The following LDLRAP1 variants were observed in gnomAD, a reference collection of about 807,000 sequenced individuals.
LDLRAP1 encodes the protein low density lipoprotein receptor adapter protein 1.
LDLRAP1 carries 30 observed loss-of-function variants against 37.8 expected under a neutral mutation model. The ratio of observed to expected loss-of-function variants is 0.79; its 90% CI spans 0.59 to 1.08. The LOEUF (loss-of-function observed/expected upper bound fraction) is 1.08. Ranked by LOEUF, LDLRAP1 falls within the 50% of genes least tolerant of loss-of-function variation. LDLRAP1 has a pLI of 0.00. For missense variants in LDLRAP1, 375 were observed against 401.6 expected (o/e 0.93, Z 0.57); for synonymous variants, 156 against 169.8 (o/e 0.92, Z 0.63).
chr1:25,547,111 A>G (rs1431029289), intron 1 of LDLRAP1, among the ~76,000 whole-genome samples: 8 of 152,316 alleles, frequency 5.3e-5, no homozygotes, highest in African/African-American at 1.9e-4. Flanking sequence ...AGTGCAAGTC[A>G]TTTATTTGGG....
At chr1:25,566,751 T>C (rs4418583) in intron 8 of LDLRAP1, 97 bp from the exon 9 acceptor site, 746,023 of 1,461,762 alleles carry the variant, frequency 0.51, 193,170 homozygotes, top group African/African-American at 0.7. Flanking sequence ...TCTTGGGCCA[T>C]GTGCCCTGCT....
In LDLRAP1 at chr1:25,554,010, G is replaced by A; in HGVS notation, c.177G>A (p.Glu59=). The change falls in exon 2 of 9, where the codon GAG becomes GAA. Residue 59 remains glutamate, a synonymous_variant. Transcript: ENST00000374338. This position sits in a 1 kb window ranked among gnomAD's most constrained non-coding sequence, Gnocchi z 5.4. ...SLKYLGMTLV[E]QPKGEELSAA... ...AGTACCTGGGCATGACGCTAGTGGAGCAGCCCAAGGGTGAGGAGCTGTCGG... is the reference window on the plus strand; with the variant it reads ...AGTACCTGGGCATGACGCTAGTGGAACAGCCCAAGGGTGAGGAGCTGTCGG... 6.2e-7 allele frequency: 1 copy of A among 1,614,120 alleles called. No homozygotes were observed. The highest frequency in any genetic ancestry group is 8.5e-7 in the Non-Finnish European group (1 of 1,180,026).
intron 4 of LDLRAP1, among the ~76,000 whole-genome samples, chr1:25,558,859 C>T (rs916695389): frequency 7.2e-5 from 11 of 152,158 alleles, no homozygotes; most frequent in Admixed American, 2.6e-4. Context: ...GGCGGACACA[C>T]GATTCAGCCC....
At chr1:25,584,121 G>C in the LDLRAP1 span, among the ~76,000 whole-genome samples, 1 of 152,114 alleles carries the variant, frequency 6.6e-6, no homozygotes, top group African/African-American at 2.4e-5. Flanking sequence ...CGCGTGGCAG[G>C]TGTCTGAACG....
chr1:25,567,095 C>A lies in LDLRAP1; in HGVS notation c.*103C>A. ...GGGGCCCGCCTGCCACCTCTCCCAG[C>A]CCTCAGCATTGTCAGCCTGAAGATC... On this transcript the variant is annotated 3_prime_UTR_variant, in exon 9 of 9. Transcript: ENST00000374338. 1.4e-6 allele frequency: 2 copies of A among 1,405,586 alleles called. No individual in the cohort carries two copies. The highest frequency in any genetic ancestry group is 2.0e-6 in the Non-Finnish European group (2 of 1,010,370). The allele number at this position is 1,405,586 out of a possible 1,614,324, so 87.1% of individuals were successfully genotyped here.
At chr1:25,583,069 CA>C in the LDLRAP1 span, among the ~76,000 whole-genome samples, 40 of 136,444 alleles carry the variant, frequency 2.9e-4, no homozygotes, top group African/African-American at 5.9e-4. Flanking sequence ...GAGACTATCT[CA>C]AAAAAAAAAA....
intron 1 of LDLRAP1, among the ~76,000 whole-genome samples, chr1:25,548,051 T>A (rs907427634): frequency 6.6e-6 from 1 of 152,208 alleles, no homozygotes; most frequent in Non-Finnish European, 1.5e-5. Flanking sequence ...AGCAAGGGGC[T>A]TGGGCTGCAG....
At chr1:25,583,723 T>TA in the LDLRAP1 span, among the ~76,000 whole-genome samples, 2 of 152,186 alleles carry the variant, frequency 1.3e-5, no homozygotes, top group African/African-American at 4.8e-5. Flanking sequence ...ATATGTATGT[T>TA]ACACCTTTTG....
intron 1 of LDLRAP1, among the ~76,000 whole-genome samples, chr1:25,551,850 C>T (rs545296146): frequency 5.9e-5 from 9 of 152,134 alleles, no homozygotes; most frequent in African/African-American, 1.7e-4. Flanking sequence ...GGGTTGTCCT[C>T]GTCATTTCTT....
intron 8 of LDLRAP1, among the ~76,000 whole-genome samples, chr1:25,565,949 C>T (rs1277758432): frequency 6.6e-6 from 1 of 152,150 alleles, no homozygotes; most frequent in African/African-American, 2.4e-5. Flanking sequence ...TCTTTGCCCT[C>T]CTGCCTCCTC....
At chr1:25,575,423 T>TAAAA in the LDLRAP1 span, among the ~76,000 whole-genome samples, 91 of 108,668 alleles carry the variant, frequency 8.4e-4, no homozygotes, top group African/African-American at 2.7e-3. Context: ...CTGTCTCTAC[T>TAAAA]AAAAAAAAAA....
chr1:25,586,651 C>CT, the LDLRAP1 span, among the ~76,000 whole-genome samples: 2 of 152,044 alleles, frequency 1.3e-5, no homozygotes, highest in African/African-American at 4.8e-5. The surrounding 1 kb of genome is among the most constrained non-coding windows in gnomAD (Gnocchi z 4.3). Flanking sequence ...GAGCACAGCA[C>CT]TGCAGCAGGG....
the LDLRAP1 span, among the ~76,000 whole-genome samples, chr1:25,587,796 C>CAA: frequency 6.6e-6 from 1 of 151,954 alleles, no homozygotes; most frequent in Non-Finnish European, 1.5e-5. Context: ...AGCTGGGGTT[C>CAA]AAATCTAGGG....
the LDLRAP1 span, among the ~76,000 whole-genome samples, chr1:25,583,848 G>T: frequency 1.3e-5 from 2 of 152,106 alleles, no homozygotes; most frequent in African/African-American, 4.8e-5. Flanking sequence ...CTGTGAATTT[G>T]CCTGTTCTGG....
intron 7 of LDLRAP1, 41 bp downstream of exon 7, chr1:25,563,832 T>C: frequency 6.2e-7 from 1 of 1,611,802 alleles, no homozygotes; most frequent in African/African-American, 1.3e-5. Context: ...ATCCTCAGCC[T>C]GACCTCTGGG....
chr1:25,571,171 G>A (rs1035468609), downstream of LDLRAP1, among the ~76,000 whole-genome samples: 37 of 152,304 alleles, frequency 2.4e-4, no homozygotes, highest in African/African-American at 8.4e-4. Flanking sequence ...AGCAGCCCCA[G>A]CTACCACGGA....
chr1:25,565,726 G>A (rs1217603245), intron 8 of LDLRAP1, among the ~76,000 whole-genome samples: 2 of 152,274 alleles, frequency 1.3e-5, no homozygotes, highest in East Asian at 3.9e-4. Context: ...CCATCCTTGT[G>A]GCCCCCTGCA....
chr1:25,567,107 T>C lies in LDLRAP1; in HGVS notation c.*115T>C. On this transcript the variant is annotated 3_prime_UTR_variant, in exon 9 of 9. Coordinates refer to ENST00000374338, the MANE Select transcript of LDLRAP1 (RefSeq NM_015627.3). Reference sequence around the variant, plus strand: ...CCACCTCTCCCAGCCCTCAGCATTGTCAGCCTGAAGATCAGAGCTGCAGCC... The same window carrying C: ...CCACCTCTCCCAGCCCTCAGCATTGCCAGCCTGAAGATCAGAGCTGCAGCC... The C allele has an allele frequency of 7.5e-7, 1 of 1,331,954 alleles. No homozygotes were observed. The highest frequency in any genetic ancestry group is 1.1e-6 in the Non-Finnish European group (1 of 948,546). The allele number at this position is 1,331,954 out of a possible 1,614,324, so 82.5% of individuals were successfully genotyped here.
chr1:25,585,394 C>T, the LDLRAP1 span, among the ~76,000 whole-genome samples: 181 of 151,658 alleles, frequency 1.2e-3, no homozygotes, highest in African/African-American at 3.9e-3. Context: ...GGCACGACCT[C>T]GGCTCACTGC....
Sources: gnomAD v4.1 joint callset for allele counts (sites outside exome capture counted in the v4.1 genomes callset) on GRCh38, gnomAD v4.1.1 for gene constraint, Gnocchi (gnomAD v3.1) non-coding constraint, MANE v1.5 for transcripts, NCBI Gene and HGNC (gene_info 2026-07-23, HGNC 2026-07-21) for gene names.